NXPE2: variants seen among roughly 807,000 people sequenced by gnomAD.
The protein encoded by NXPE2 is NXPE family member 2.
NXPE2 carries 34 observed loss-of-function variants against 34.4 expected under a neutral mutation model. The ratio of observed to expected loss-of-function variants is 0.99; its 90% CI spans 0.75 to 1.31. NXPE2 has a LOEUF of 1.31. Among genes scored for constraint, NXPE2 ranks in the 40% most tolerant of loss-of-function variants. The pLI, the probability that NXPE2 is intolerant of heterozygous loss-of-function variation, is 0.00. For synonymous variants in NXPE2, 235 were observed against 231.3 expected, an observed-to-expected ratio of 1.02 and a Z score of -0.15; for missense variants, 649 against 672.5, an observed-to-expected ratio of 0.97 and a Z score of 0.39.
intron 2 of NXPE2, among the ~76,000 whole-genome samples, chr11:114,680,555 C>A (rs1950931990): frequency 6.6e-6 from 1 of 152,074 alleles, no homozygotes; most frequent in Non-Finnish European, 1.5e-5. Context: ...TGATCCTCTT[C>A]TCTTCTATGC....
chr11:114,723,227 C>T, the NXPE2 span, among the ~76,000 whole-genome samples: 1 of 152,044 alleles, frequency 6.6e-6, no homozygotes, highest in African/African-American at 2.4e-5. Context: ...GCAGTCAGCA[C>T]ATGGAAATTC....
At chr11:114,709,591 A>G (rs532726412), downstream of NXPE2, among the ~76,000 whole-genome samples, 91 of 152,322 alleles carry the variant, frequency 6.0e-4, no homozygotes, top group South Asian at 1.4e-3. Context: ...TTTATGCACA[A>G]TGGAATAAAA....
chr11:114,799,652 T>C, the NXPE2 span, among the ~76,000 whole-genome samples: 1 of 152,168 alleles, frequency 6.6e-6, no homozygotes, highest in Non-Finnish European at 1.5e-5. Context: ...CTTCCAGGCC[T>C]GTGAGGCAGA....
the NXPE2 span, among the ~76,000 whole-genome samples, chr11:114,639,342 G>A: frequency 6.6e-6 from 1 of 152,036 alleles, no homozygotes; most frequent in Admixed American, 6.6e-5. Context: ...TAGGGTGGGA[G>A]TGACCCGATT....
the NXPE2 span, among the ~76,000 whole-genome samples, chr11:114,526,301 G>A: frequency 6.6e-6 from 1 of 152,110 alleles, no homozygotes; most frequent in African/African-American, 2.4e-5. Context: ...GTTTTTTAAA[G>A]CCACTTTATT....
At chr11:114,696,343 A>C (rs866436505) in intron 2 of NXPE2, among the ~76,000 whole-genome samples, 17,892 of 141,118 alleles carry the variant, frequency 0.13, 1,412 homozygotes, top group South Asian at 0.17. Flanking sequence ...AAAAAACCAA[A>C]AAAAAAAAAA....
At chr11:114,608,588 T>A in the NXPE2 span, among the ~76,000 whole-genome samples, 4 of 150,540 alleles carry the variant, frequency 2.7e-5, no homozygotes, top group Non-Finnish European at 5.9e-5. Flanking sequence ...CACTGGATAA[T>A]AATTGTTGCC....
intron 3 of NXPE2, among the ~76,000 whole-genome samples, chr11:114,703,036 GATACCTTGAGA>G (rs1322671604): frequency 6.6e-6 from 1 of 152,156 alleles, no homozygotes; most frequent in Non-Finnish European, 1.5e-5. Flanking sequence ...CATTGGGACT[GATACCTTGAGA>G]CGAAGCTCAC....
chr11:114,517,071 T>C, the NXPE2 span, among the ~76,000 whole-genome samples: 1 of 152,152 alleles, frequency 6.6e-6, no homozygotes, highest in Non-Finnish European at 1.5e-5. Context: ...TACCATATAA[T>C]AGTTGATGAG....
At chr11:114,629,707 A>G in the NXPE2 span, among the ~76,000 whole-genome samples, 3 of 151,948 alleles carry the variant, frequency 2.0e-5, no homozygotes, top group Non-Finnish European at 4.4e-5. Flanking sequence ...AGGGTATTCA[A>G]TTAGGAAAAG....
At chr11:114,722,944 C>T in the NXPE2 span, among the ~76,000 whole-genome samples, 82 of 152,214 alleles carry the variant, frequency 5.4e-4, no homozygotes, top group African/African-American at 1.9e-3. Flanking sequence ...AAAATGAAAG[C>T]TCTTTCTCAA....
the NXPE2 span, among the ~76,000 whole-genome samples, chr11:114,590,806 C>G: frequency 6.6e-6 from 1 of 152,152 alleles, no homozygotes; most frequent in Non-Finnish European, 1.5e-5. Flanking sequence ...CAAATTAACC[C>G]TGGGAAATGG....
the NXPE2 span, among the ~76,000 whole-genome samples, chr11:114,728,186 A>G: frequency 6.6e-6 from 1 of 152,080 alleles, no homozygotes; most frequent in Non-Finnish European, 1.5e-5. Flanking sequence ...CTCTTAGAAG[A>G]GCCCTTGAAA....
At chr11:114,533,732 TAGGGGA>T in the NXPE2 span, among the ~76,000 whole-genome samples, 49 of 152,088 alleles carry the variant, frequency 3.2e-4, no homozygotes, top group African/African-American at 1.2e-3. Context: ...GCAGCAAGAC[TAGGGGA>T]GGGGCACCCA....
the NXPE2 span, among the ~76,000 whole-genome samples, chr11:114,652,292 A>C: frequency 6.6e-6 from 1 of 152,210 alleles, no homozygotes; most frequent in Non-Finnish European, 1.5e-5. Context: ...TGATGCCCTT[A>C]AGGCATCCTG....
chr11:114,649,197 CTG>C, the NXPE2 span, among the ~76,000 whole-genome samples: 2 of 151,790 alleles, frequency 1.3e-5, no homozygotes, highest in East Asian at 3.9e-4. Flanking sequence ...ACCATTAATC[CTG>C]CCTTGATTGG....
chr11:114,719,905 A>T, the NXPE2 span, among the ~76,000 whole-genome samples: 1 of 152,140 alleles, frequency 6.6e-6, no homozygotes, highest in African/African-American at 2.4e-5. Flanking sequence ...CTTGGTTCCC[A>T]TTATCATGCT....
At chr11:114,503,004 TG>T in the NXPE2 span, among the ~76,000 whole-genome samples, 6 of 152,028 alleles carry the variant, frequency 3.9e-5, no homozygotes, top group Non-Finnish European at 8.8e-5. Flanking sequence ...CCAGATAAAG[TG>T]GTCTTGGCAC....
intron 2 of NXPE2, among the ~76,000 whole-genome samples, chr11:114,682,066 A>G (rs58920089): frequency 2.9e-3 from 447 of 152,322 alleles, no homozygotes; most frequent in African/African-American, 0.01. Context: ...CCTTCATTCT[A>G]TGAGAGAGGA....
Sources: gnomAD v4.1 joint callset for allele counts (sites outside exome capture counted in the v4.1 genomes callset) on GRCh38, gnomAD v4.1.1 for gene constraint, MANE v1.5 for transcripts, NCBI Gene and HGNC (gene_info 2026-07-23, HGNC 2026-07-21) for gene names.